The following SCGN variants were observed in gnomAD, a reference collection of about 807,000 sequenced individuals.
The protein encoded by SCGN is secretagogin, EF-hand calcium binding protein.
In SCGN, 30 loss-of-function variants were observed where a neutral mutation model predicts 39.7. The ratio of observed to expected loss-of-function variants is 0.76; its 90% CI spans 0.57 to 1.03. SCGN has a LOEUF of 1.03. Among genes scored for constraint, SCGN ranks in the 50% least tolerant of loss-of-function variants. The pLI is 0.00. For synonymous variants in SCGN, 106 were observed against 114.1 expected, an observed-to-expected ratio of 0.93 and a Z score of 0.45; for missense variants, 353 against 349.4, an observed-to-expected ratio of 1.01 and a Z score of -0.08.
rs745320434 is a variant in SCGN, at chr6:25,669,592, GGTTT to G, written c.393+30_393+33del. ...CGTGAGTGTCACTGGGTGAAGGGTG[GGTTT>G]GTTTATCATTGGGAATTTGATATGT... On this transcript the variant is annotated intron_variant, in intron 5 of 10. Transcript: ENST00000377961. 4 of 1,601,358 alleles carry G rather than the reference GGTTT, an allele frequency of 2.5e-6. No homozygotes were observed. In the South Asian group the frequency reaches 3.3e-5, roughly 13 times the overall value.
chr6:25,701,322 A>T lies in SCGN; in HGVS notation c.818A>T (p.Lys273Ile), dbSNP rs1392117047. 6 of 1,612,098 alleles carry T rather than the reference A, an allele frequency of 3.7e-6. No homozygotes were observed. The highest frequency in any genetic ancestry group is 5.1e-6 in the Non-Finnish European group (6 of 1,179,278). Residue 273 changes from lysine (K) to isoleucine (I), a missense_variant, in exon 11 of 11, where the codon AAA (lysine) becomes ATA (isoleucine). Transcript: ENST00000377961. Reference sequence around the variant, plus strand: ...GAGCTGGCTTTGTGTCTTGGGCTGAAAATCAACCCATAATCCCAGACTGCT... The same window carrying T: ...GAGCTGGCTTTGTGTCTTGGGCTGATAATCAACCCATAATCCCAGACTGCT... ...KSELALCLGL[K>I]INP
chr6:25,696,557 C>G (rs946401867), intron 10 of SCGN, among the ~76,000 whole-genome samples: 1 of 152,104 alleles, frequency 6.6e-6, no homozygotes, highest in African/African-American at 2.4e-5. Flanking sequence ...GCAATAATAT[C>G]CTTGTGCAAA....
intron 7 of SCGN, among the ~76,000 whole-genome samples, chr6:25,685,006 G>C (rs1168410130): frequency 1.3e-5 from 2 of 152,090 alleles, no homozygotes; most frequent in Non-Finnish European, 2.9e-5. Context: ...ATGGAAGAGG[G>C]AGGCAGAAGG....
chr6:25,686,730 T>C (rs2151381866), intron 7 of SCGN, among the ~76,000 whole-genome samples: 1 of 152,302 alleles, frequency 6.6e-6, no homozygotes, highest in South Asian at 2.1e-4. Context: ...ATTTTTTTGG[T>C]TGTTTGTGTT....
chr6:25,660,159 G>C (rs1308940808), intron 2 of SCGN, among the ~76,000 whole-genome samples: 1 of 152,190 alleles, frequency 6.6e-6, no homozygotes, highest in Non-Finnish European at 1.5e-5. Flanking sequence ...TTGTTAAAGA[G>C]CATGGCTTAG....
chr6:25,667,623 A>ATTTGT (rs1470841852), intron 4 of SCGN, among the ~76,000 whole-genome samples: 96 of 152,246 alleles, frequency 6.3e-4, no homozygotes, highest in African/African-American at 2.1e-3. Context: ...TCATATTGCT[A>ATTTGT]CCATTGTCTT....
intron 6 of SCGN, among the ~76,000 whole-genome samples, chr6:25,676,190 C>T (rs1363681445): frequency 6.6e-6 from 1 of 152,212 alleles, no homozygotes; most frequent in African/African-American, 2.4e-5. Flanking sequence ...TGTTCCAAGG[C>T]ACAATTATTT....
chr6:25,675,717 A>C (rs1455319008), intron 6 of SCGN, among the ~76,000 whole-genome samples: 1 of 152,202 alleles, frequency 6.6e-6, no homozygotes, highest in Non-Finnish European at 1.5e-5. Flanking sequence ...GGATCAAAGC[A>C]GCTCATATCT....
At chr6:25,656,097 A>G (rs992686547) in intron 2 of SCGN, among the ~76,000 whole-genome samples, 5 of 152,218 alleles carry the variant, frequency 3.3e-5, no homozygotes, top group Admixed American at 3.3e-4. Context: ...CTGATGAGTA[A>G]TAAGTAGGCC....
At chr6:25,700,101 C>T (rs762365414) in intron 10 of SCGN, among the ~76,000 whole-genome samples, 1 of 151,714 alleles carries the variant, frequency 6.6e-6, no homozygotes, top group East Asian at 1.9e-4. Flanking sequence ...AAAAATTAGC[C>T]GGGCATGATG....
intron 7 of SCGN, among the ~76,000 whole-genome samples, chr6:25,683,016 G>A (rs1759656972): frequency 6.6e-6 from 1 of 152,222 alleles, no homozygotes; most frequent in African/African-American, 2.4e-5. Context: ...ATTGACCCCA[G>A]TACACTAAAT....
intron 4 of SCGN, among the ~76,000 whole-genome samples, chr6:25,668,462 A>G (rs1480950567): frequency 6.6e-6 from 1 of 152,250 alleles, no homozygotes; most frequent in Non-Finnish European, 1.5e-5. Context: ...ACTGGGAATT[A>G]GAGTTATTTT....
chr6:25,655,537 G>T (rs1037961952), intron 2 of SCGN, among the ~76,000 whole-genome samples: 19 of 152,196 alleles, frequency 1.2e-4, no homozygotes, highest in African/African-American at 4.6e-4. Flanking sequence ...AAAGAGGACA[G>T]CAAAGGACTC....
In SCGN at chr6:25,653,379, T is replaced by C. The variant is rs1421071445; in HGVS notation, c.83-3T>C. 7 of 1,592,956 alleles carry C rather than the reference T, an allele frequency of 4.4e-6. No homozygotes were observed. Among genetic ancestry groups the C allele is most frequent in the South Asian group, 1.1e-5 (1 of 90,190 alleles). On this transcript the variant is annotated splice_region_variant and splice_polypyrimidine_tract_variant and intron_variant, in intron 1 of 10. Transcript: ENST00000377961. ...TTATTTATGTTTATTTTCTCACATT[T>C]AGAAAAAGGTTACATAGAAGAGAAG...
At chr6:25,698,249 C>T (rs1759863320) in intron 10 of SCGN, among the ~76,000 whole-genome samples, 1 of 152,144 alleles carries the variant, frequency 6.6e-6, no homozygotes, top group South Asian at 2.1e-4. Flanking sequence ...CACATTCATT[C>T]CCACATCCCC....
At chr6:25,660,459 T>C (rs1006388080) in intron 2 of SCGN, among the ~76,000 whole-genome samples, 2 of 152,208 alleles carry the variant, frequency 1.3e-5, no homozygotes, top group South Asian at 4.1e-4. Context: ...CAGAAAGCAG[T>C]CTTTTCTGGG....
chr6:25,688,625 C>A (rs989454040), intron 7 of SCGN, among the ~76,000 whole-genome samples: 2 of 152,020 alleles, frequency 1.3e-5, no homozygotes, highest in African/African-American at 2.4e-5. Flanking sequence ...CACGGTGAAA[C>A]CCCGTCTCTA....
intron 3 of SCGN, among the ~76,000 whole-genome samples, chr6:25,664,465 C>T (rs930233833): frequency 9.9e-5 from 15 of 152,130 alleles, no homozygotes; most frequent in African/African-American, 3.4e-4. Context: ...TAGAAAATAA[C>T]AGTAATGGTA....
rs1281573146 is a variant in SCGN, at chr6:25,689,694, T to C, written c.633+162T>C. On this transcript the variant is annotated intron_variant, in intron 9 of 10. Coordinates refer to ENST00000377961, the MANE Select transcript of SCGN (RefSeq NM_006998.4). ...GTACTCTCAACTCCTCTAGACCTTC[T>C]GAGAATAAAGTAAAAGTAGCCAAAG... Among the ~76,000 whole-genome samples, 5 of 152,124 alleles carry C rather than the reference T, an allele frequency of 3.3e-5. No individual in the cohort carries two copies. In the East Asian group the frequency reaches 9.6e-4, roughly 29 times the overall value.
Sources: allele counts gnomAD v4.1 joint callset (sites outside exome capture counted in the v4.1 genomes callset), GRCh38; gene constraint gnomAD v4.1.1; transcripts MANE v1.5; gene names NCBI Gene and HGNC (gene_info 2026-07-23, HGNC 2026-07-21).